Variants in GALNT13 observed in about 807,000 individuals in gnomAD.
GALNT13 encodes UDP-GalNAc:polypeptide N-acetylgalactosaminyltransferase 13.
In GALNT13, 28 loss-of-function variants were observed where a neutral mutation model predicts 64.2. The observed-to-expected ratio is 0.44, with a 90% CI of 0.32 to 0.60. The LOEUF (loss-of-function observed/expected upper bound fraction) is 0.60, where lower values mean the gene tolerates loss of function less well. Ranked by LOEUF, GALNT13 falls within the 20% of genes least tolerant of loss-of-function variation. GALNT13 has a pLI of 0.05. For missense variants in GALNT13, 577 were observed against 669.8 expected, an observed-to-expected ratio of 0.86 and a Z score of 1.53; for synonymous variants, 214 against 224.6, an observed-to-expected ratio of 0.95 and a Z score of 0.42.
chr2:154,449,180 G>T (rs1470362267), intron 12 of GALNT13, among the ~76,000 whole-genome samples: 1 of 151,702 alleles, frequency 6.6e-6, no homozygotes, highest in Non-Finnish European at 1.5e-5. Flanking sequence ...AACAACAAAG[G>T]TCTCAATCTT....
At chr2:153,474,246 A>C in the GALNT13 span, among the ~76,000 whole-genome samples, 1 of 152,238 alleles carries the variant, frequency 6.6e-6, no homozygotes, top group Non-Finnish European at 1.5e-5. Flanking sequence ...ATGGAATCAT[A>C]GAATTGGAAG....
At chr2:154,290,132 C>T (rs1013741578) in intron 8 of GALNT13, among the ~76,000 whole-genome samples, 2 of 152,074 alleles carry the variant, frequency 1.3e-5, no homozygotes, top group Non-Finnish European at 2.9e-5. Context: ...GATTTACTGC[C>T]GGGGCAAGTC....
chr2:153,261,159 T>G, the GALNT13 span, among the ~76,000 whole-genome samples: 1 of 152,220 alleles, frequency 6.6e-6, no homozygotes, highest in Non-Finnish European at 1.5e-5. Flanking sequence ...TTTGAATTCT[T>G]TATCTGAAAG....
chr2:153,259,018 A>G, the GALNT13 span, among the ~76,000 whole-genome samples: 1 of 152,080 alleles, frequency 6.6e-6, no homozygotes, highest in Non-Finnish European at 1.5e-5. Context: ...CTCTTTCTGG[A>G]TGATCTGTCC....
intron 11 of GALNT13, among the ~76,000 whole-genome samples, chr2:154,430,785 A>T (rs1040569618): frequency 3.1e-4 from 47 of 152,162 alleles, no homozygotes; most frequent in African/African-American, 1.1e-3. Flanking sequence ...ACATCCACCT[A>T]ACTTTCATCA....
At chr2:154,209,481 TC>T in intron 4 of GALNT13, among the ~76,000 whole-genome samples, 1 of 152,186 alleles carries the variant, frequency 6.6e-6, no homozygotes, top group Non-Finnish European at 1.5e-5. Context: ...TGAATTGAAT[TC>T]AGTTTTCACT....
At chr2:154,122,335 A>G (rs1681996883) in intron 3 of GALNT13, among the ~76,000 whole-genome samples, 1 of 151,792 alleles carries the variant, frequency 6.6e-6, no homozygotes. Context: ...TTTTAGTACC[A>G]TTTTGTCAAG....
intron 9 of GALNT13, among the ~76,000 whole-genome samples, chr2:154,375,830 G>A (rs1341963307): frequency 2.0e-5 from 3 of 152,146 alleles, no homozygotes; most frequent in Non-Finnish European, 4.4e-5. Context: ...AGTTTTAAAA[G>A]GGAAAGGCTT....
intron 9 of GALNT13, among the ~76,000 whole-genome samples, chr2:154,311,736 C>A (rs1037825824): frequency 1.6e-4 from 24 of 152,266 alleles, no homozygotes; most frequent in African/African-American, 5.8e-4. Context: ...TCTGCAATCT[C>A]GACCATAAGA....
chr2:153,493,024 A>G, the GALNT13 span, among the ~76,000 whole-genome samples: 3 of 152,156 alleles, frequency 2.0e-5, no homozygotes, highest in Admixed American at 6.5e-5. Flanking sequence ...TGTGTGGGGC[A>G]TAGCAAAAGT....
Position 154,035,959 on chromosome 2 carries a change from A to G in GALNT13, c.142+91320A>G, listed in dbSNP as rs563462716. On this transcript the variant is annotated intron_variant, in intron 3 of 12. Coordinates refer to ENST00000392825, the MANE Select transcript of GALNT13 (RefSeq NM_052917.4). The stretch of plus-strand genomic sequence containing the variant: ...AAAATGATAGACTTATATCTTTTAG[A>G]AAGAGTTACCTGGCTTTCTATTATG... Among the ~76,000 whole-genome samples the G allele has an allele frequency of 3.3e-5, 5 of 152,140 alleles. No homozygotes were observed. The South Asian group carries it at 1.0e-3, about 32-fold the overall frequency.
chr2:153,447,923 A>G, the GALNT13 span, among the ~76,000 whole-genome samples: 2 of 152,194 alleles, frequency 1.3e-5, no homozygotes, highest in Admixed American at 6.5e-5. Flanking sequence ...TCCCACTTAA[A>G]GGGCCATTGT....
At chr2:153,635,799 G>T in the GALNT13 span, among the ~76,000 whole-genome samples, 1 of 152,086 alleles carries the variant, frequency 6.6e-6, no homozygotes, top group African/African-American at 2.4e-5. Flanking sequence ...AAACTTCAAA[G>T]ACTTCACTGA....
At chr2:154,132,983 T>C (rs1020178466) in intron 3 of GALNT13, among the ~76,000 whole-genome samples, 1 of 152,080 alleles carries the variant, frequency 6.6e-6, no homozygotes, top group Admixed American at 6.6e-5. Flanking sequence ...AATTTGTGAG[T>C]CATAAGTTAC....
chr2:154,196,884 A>G (rs1209571905), intron 4 of GALNT13, among the ~76,000 whole-genome samples: 2 of 152,180 alleles, frequency 1.3e-5, no homozygotes, highest in Non-Finnish European at 2.9e-5. Flanking sequence ...GTGGTCATAT[A>G]TCCTATGCTT....
chr2:153,772,280 T>A, the GALNT13 span, among the ~76,000 whole-genome samples: 1 of 152,208 alleles, frequency 6.6e-6, no homozygotes, highest in African/African-American at 2.4e-5. Flanking sequence ...CTCCTCTCAG[T>A]TCTGGGCATC....
chr2:153,841,779 A>C, the GALNT13 span, among the ~76,000 whole-genome samples: 4 of 152,210 alleles, frequency 2.6e-5, no homozygotes, highest in African/African-American at 9.6e-5. Context: ...GAAAGTATAA[A>C]ATTATTATAA....
the GALNT13 span, among the ~76,000 whole-genome samples, chr2:153,456,188 C>T: frequency 6.6e-6 from 1 of 152,176 alleles, no homozygotes; most frequent in East Asian, 1.9e-4. Flanking sequence ...TAAGTTCTCA[C>T]TTTGGGCCAC....
At chr2:154,120,082 TG>T (rs1681848560) in intron 3 of GALNT13, among the ~76,000 whole-genome samples, 1 of 150,732 alleles carries the variant, frequency 6.6e-6, no homozygotes, top group African/African-American at 2.4e-5. Flanking sequence ...TTTGTTTGTT[TG>T]TTTTTTTGTC....
Sources: gnomAD v4.1 joint callset for allele counts (sites outside exome capture counted in the v4.1 genomes callset) on GRCh38, gnomAD v4.1.1 for gene constraint, MANE v1.5 for transcripts, NCBI Gene and HGNC (gene_info 2026-07-23, HGNC 2026-07-21) for gene names.